The following RWDD2B variants were observed in gnomAD, a reference collection of about 807,000 sequenced individuals.
RWDD2B encodes the protein RWD domain containing 2B, also known as RWD domain-containing protein 2B.
RWDD2B carries 36 observed loss-of-function variants against 33.6 expected under a neutral mutation model. The observed-to-expected ratio is 1.07, with a 90% CI of 0.82 to 1.42. RWDD2B has a LOEUF of 1.42. RWDD2B is among the 40% of genes most tolerant of loss of function. RWDD2B has a pLI of 0.00. For missense variants in RWDD2B, 364 were observed against 377.5 expected (o/e 0.96, Z 0.30); for synonymous variants, 126 against 133.1 (o/e 0.95, Z 0.37).
rs1038145476 is a variant in RWDD2B, at chr21:29,016,414, G to A, written c.67+2797C>T. On this transcript the variant is annotated intron_variant, in intron 1 of 4. Transcript: ENST00000493196. ...CAAGTAGCTAGGATTACAGGCATGC[G>A]CCACCACACCCAGCTAATTTTTTGT... 3.3e-5 allele frequency among the ~76,000 whole-genome samples: 5 copies of A among 152,058 alleles called. No homozygotes were observed. The South Asian group carries it at 6.2e-4, about 19-fold the overall frequency.
In RWDD2B at chr21:29,019,281, A is replaced by T; in HGVS notation, c.-4T>A. ...GCATGGACAGCTCAATTTTCATCAG[A>T]AGGGAGCCTCAAAATTCTAGCATAC... On this transcript the variant is annotated 5_prime_UTR_variant, in exon 1 of 5. Transcript: ENST00000493196. 6.2e-7 allele frequency: 1 copy of T among 1,600,662 alleles called. No individual in the cohort carries two copies. Among genetic ancestry groups the T allele is most frequent in the Non-Finnish European group, 8.5e-7 (1 of 1,173,980 alleles).
At chr21:29,010,656 C>T (rs1392983651) in intron 1 of RWDD2B, among the ~76,000 whole-genome samples, 1 of 149,380 alleles carries the variant, frequency 6.7e-6, no homozygotes, top group African/African-American at 2.5e-5. Context: ...TCTCCCTCTC[C>T]CTCTCCCGTC....
intron 1 of RWDD2B, among the ~76,000 whole-genome samples, chr21:29,012,445 T>A (rs1449310952): frequency 6.6e-6 from 1 of 152,154 alleles, no homozygotes; most frequent in Non-Finnish European, 1.5e-5. Flanking sequence ...TTCTTCTGCC[T>A]TGGGATCCTG....
chr21:29,014,648 C>T (rs1301357651), intron 1 of RWDD2B, among the ~76,000 whole-genome samples: 3 of 152,126 alleles, frequency 2.0e-5, no homozygotes, highest in East Asian at 3.9e-4. Context: ...GGTGAAACCC[C>T]ATCTCTACTA....
At chr21:29,013,888 T>C (rs1179711443) in intron 1 of RWDD2B, among the ~76,000 whole-genome samples, 1 of 152,172 alleles carries the variant, frequency 6.6e-6, no homozygotes, top group Non-Finnish European at 1.5e-5. Flanking sequence ...ATCTTCTCTA[T>C]TGTCTCATGG....
In RWDD2B at chr21:29,006,616, C is replaced by T. The variant is rs765123748; in HGVS notation, c.761G>A (p.Arg254His). ...RKLNWKRILI[R>H]HREDIPFDGT... The stretch of plus-strand genomic sequence containing the variant: ...ATCAAAAGGAATGTCTTCTCGATGG[C>T]GAATTAAAATTCTCTTCCAGTTTAA... The change falls in exon 5 of 5, where the codon CGC (arginine) becomes CAC (histidine). Residue 254 changes from arginine to histidine, a missense_variant. By Grantham distance (29) the Arg-to-His change is conservative. Coordinates refer to ENST00000493196, the MANE Select transcript of RWDD2B (RefSeq NM_016940.3). The T allele has an allele frequency of 1.4e-5, 22 of 1,605,748 alleles. 1 individual carries two copies. Among genetic ancestry groups the T allele is most frequent in the Middle Eastern group, 3.3e-4 (2 of 6,052 alleles).
chr21:29,015,120 T>C (rs9983586), intron 1 of RWDD2B, among the ~76,000 whole-genome samples: 7,849 of 151,954 alleles, frequency 0.052, 462 homozygotes, highest in East Asian at 0.16. Flanking sequence ...TGATGAGAAA[T>C]CACTCTCATT....
In RWDD2B at chr21:29,007,850, C is replaced by G. The variant is rs748413172; in HGVS notation, c.636G>C (p.Glu212Asp). 6.2e-7 allele frequency: 1 copy of G among 1,614,226 alleles called. No individual in the cohort carries two copies. Among genetic ancestry groups the G allele is most frequent in the Non-Finnish European group, 8.5e-7 (1 of 1,180,048 alleles). ...KRKNILEWAK[E>D]LSLSGFSMPG... ...GCATGCTAAACCCAGACAGGGAAAG[C>G]TCCTTTGCCCACTCTAGAATATTCT... The change falls in exon 4 of 5, where the codon GAG (glutamate) becomes GAC (aspartate). Residue 212 changes from glutamate (E) to aspartate (D), a missense_variant. Coordinates refer to ENST00000493196, the MANE Select transcript of RWDD2B (RefSeq NM_016940.3).
chr21:29,011,549 GCCCC>G (rs1209892417), intron 1 of RWDD2B, among the ~76,000 whole-genome samples: 45 of 148,786 alleles, frequency 3.0e-4, no homozygotes, highest in African/African-American at 1.1e-3. Context: ...GGGGGGGTCA[GCCCC>G]CCGCCCGGCC....
rs773820543 is a variant in RWDD2B, at chr21:29,007,899, T to C, written c.587A>G (p.His196Arg). Reference protein sequence around the residue: ...IFTRLWIYSHHIYNKCKRKNI... With the variant: ...IFTRLWIYSHRIYNKCKRKNI... ...CTTTCTTTTGCATTTGTTATAGATA[T>C]GATGGCTGTAGATCCAGAGTCTCGT... The change falls in exon 4 of 5, where the codon CAT becomes CGT. Residue 196 changes from histidine (H) to arginine (R), a missense_variant. Coordinates refer to ENST00000493196, the MANE Select transcript of RWDD2B (RefSeq NM_016940.3). 8 of 1,614,128 alleles carry C rather than the reference T, an allele frequency of 5.0e-6. No individual in the cohort carries two copies. Among genetic ancestry groups the C allele is most frequent in the South Asian group, 4.4e-5 (4 of 91,090 alleles).
At position 29,015,822 on chromosome 21, in the gene RWDD2B, T is replaced by C. The variant is rs374903569; in HGVS notation, c.67+3389A>G. 9.2e-5 allele frequency among the ~76,000 whole-genome samples: 14 copies of C among 152,220 alleles called. No individual in the cohort carries two copies. The East Asian group carries it at 2.5e-3, about 27-fold the overall frequency. ...CTGGGATTACAGGCGTGAGCCACCA[T>C]GCCCAGCCCCATATGGTTTAGGTAT... On this transcript the variant is annotated intron_variant, in intron 1 of 4. Transcript: ENST00000493196.
At chr21:29,007,035 T>C (rs973980653) in intron 4 of RWDD2B, among the ~76,000 whole-genome samples, 2 of 152,242 alleles carry the variant, frequency 1.3e-5, no homozygotes, top group South Asian at 4.1e-4. Flanking sequence ...TTTAGAAATG[T>C]AGGAATTACT....
Position 29,010,673 on chromosome 21 carries a change from T to C in RWDD2B, c.68-2052A>G, listed in dbSNP as rs1388716706. 2.0e-5 allele frequency among the ~76,000 whole-genome samples: 3 copies of C among 148,236 alleles called. No homozygotes were observed. In the East Asian group the frequency reaches 6.0e-4, roughly 30 times the overall value. On this transcript the variant is annotated intron_variant, in intron 1 of 4. Coordinates refer to ENST00000493196, the MANE Select transcript of RWDD2B (RefSeq NM_016940.3). ...TCCCTCTCCCTCTCCCGTCTCCCCATGGTCTCCCTCTCCCTCTCTTTCCAC... is the reference window on the plus strand; with the variant it reads ...TCCCTCTCCCTCTCCCGTCTCCCCACGGTCTCCCTCTCCCTCTCTTTCCAC...
chr21:29,013,432 G>A (rs1450838580), intron 1 of RWDD2B, among the ~76,000 whole-genome samples: 2 of 152,186 alleles, frequency 1.3e-5, no homozygotes, highest in African/African-American at 2.4e-5. Context: ...GCTCACGCCT[G>A]TAATCCCAAC....
At chr21:29,019,086 G>C (rs2084903109) in intron 1 of RWDD2B, 125 bp downstream of exon 1, 11 of 742,940 alleles carry the variant, frequency 1.5e-5, no homozygotes, top group Non-Finnish European at 2.4e-5. Context: ...CCGACCGATG[G>C]GCGCATGCAG....
intron 1 of RWDD2B, among the ~76,000 whole-genome samples, chr21:29,012,774 A>G (rs1215368536): frequency 6.6e-6 from 1 of 152,210 alleles, no homozygotes; most frequent in East Asian, 1.9e-4. Context: ...ATCAATTAAA[A>G]AAAAAAAAGT....
chr21:29,013,009 G>A (rs980569970), intron 1 of RWDD2B, among the ~76,000 whole-genome samples: 52 of 143,740 alleles, frequency 3.6e-4, no homozygotes, highest in African/African-American at 1.3e-3. Context: ...TCTCCATTTT[G>A]TTATATTGAT....
At position 29,005,240 on chromosome 21, in the gene RWDD2B, A is replaced by G. The variant is rs2146332711; in HGVS notation, c.*1177T>C. 1 of 152,340 alleles carries G rather than the reference A, an allele frequency of 6.6e-6. No individual in the cohort carries two copies. The highest frequency in any genetic ancestry group is 1.5e-5 in the Non-Finnish European group (1 of 68,030). The allele number at this position is 152,340 out of a possible 1,614,324, so 9.4% of individuals were successfully genotyped here. On this transcript the variant is annotated 3_prime_UTR_variant, in exon 5 of 5. Coordinates refer to ENST00000493196, the MANE Select transcript of RWDD2B (RefSeq NM_016940.3). ...GATGAATTGTTGAGGCTTGTTAAAA[A>G]AGTTTAAGCCCTACTAATGCCTCAG...
At position 29,019,186 on chromosome 21, in the gene RWDD2B, T is replaced by C. The variant is rs761167642; in HGVS notation, c.67+25A>G. The stretch of plus-strand genomic sequence containing the variant: ...GGGAAACCCCCGTGGCGGTCACCAC[T>C]GGCGCTAGCTGAGGCGAGACTCACC... On this transcript the variant is annotated intron_variant, in intron 1 of 4. Transcript: ENST00000493196. 3.8e-6 allele frequency: 6 copies of C among 1,576,450 alleles called. No individual in the cohort carries two copies. The Admixed American group carries it at 9.1e-5, about 24-fold the overall frequency.
Sources: gnomAD v4.1 joint callset for allele counts (sites outside exome capture counted in the v4.1 genomes callset) on GRCh38, gnomAD v4.1.1 for gene constraint, MANE v1.5 for transcripts, NCBI Gene and HGNC (gene_info 2026-07-23, HGNC 2026-07-21) for gene names.